The following HOXB9 variants were observed in gnomAD, a reference collection of about 807,000 sequenced individuals.
The protein encoded by HOXB9 is homeobox B9, also known as homeobox protein Hox-B9.
Under a neutral mutation model 21.5 loss-of-function variants are expected in HOXB9, and 10 were observed. The observed-to-expected ratio is 0.47, with a 90% confidence interval of 0.29 to 0.79. The LOEUF (loss-of-function observed/expected upper bound fraction) is 0.79. Among genes scored for constraint, HOXB9 ranks in the 30% least tolerant of loss-of-function variants. The pLI is 0.10. For synonymous variants in HOXB9, 156 were observed against 151.2 expected (o/e 1.03, Z -0.23); for missense variants, 375 against 338.7 (o/e 1.11, Z -0.84).
chr17:48,624,937 C>T (rs1032657171), intron 1 of HOXB9, among the ~76,000 whole-genome samples: 7 of 152,296 alleles, frequency 4.6e-5, no homozygotes, highest in Non-Finnish European at 8.8e-5. Flanking sequence ...CTTCGAGATG[C>T]CCCGATATTC....
Position 48,626,064 on chromosome 17 carries a change from T to C in HOXB9, c.206A>G (p.His69Arg), listed in dbSNP as rs1458014971. 4 of 1,578,272 alleles carry C rather than the reference T, an allele frequency of 2.5e-6. No homozygotes were observed. The highest frequency in any genetic ancestry group is 3.4e-6 in the Non-Finnish European group (4 of 1,169,290). The change falls in exon 1 of 2, where the codon CAC (histidine) becomes CGC (arginine). Residue 69 changes from histidine to arginine, a missense_variant. Transcript: ENST00000311177. ...FGASWAPLSPHASGSLPSVYH... is the reference protein window; with the variant it reads ...FGASWAPLSPRASGSLPSVYH... ...GACGGACGGCAGGCTCCCGGACGCG[T>C]GCGGGCTCAGCGGCGCCCAGGAGGC...
At position 48,626,028 on chromosome 17, in the gene HOXB9, T is replaced by A; in HGVS notation, c.242A>T (p.Tyr81Phe). 1 of 1,577,374 alleles carries A rather than the reference T, an allele frequency of 6.3e-7. No individual in the cohort carries two copies. The highest frequency in any genetic ancestry group is 1.3e-5 in the African/African-American group (1 of 74,828). The change falls in exon 1 of 2, where the codon TAC becomes TTC. Residue 81 changes from tyrosine to phenylalanine, a missense_variant. Tyr to Phe is a conservative substitution (Grantham distance 22, BLOSUM62 3). Transcript: ENST00000311177. ...SGSLPSVYHP[Y>F]IQPQGVPPAE... ...CGGCGGGACGCCCTGGGGCTGGATG[T>A]AAGGGTGGTAGACGGACGGCAGGCT...
Position 48,622,514 on chromosome 17 carries a change from G to A in HOXB9, c.*386C>T, listed in dbSNP as rs2070778745. On this transcript the variant is annotated 3_prime_UTR_variant, in exon 2 of 2. Coordinates refer to ENST00000311177, the MANE Select transcript of HOXB9 (RefSeq NM_024017.5). The stretch of plus-strand genomic sequence containing the variant: ...GATGTCTGCTGAGCTGTGTAGAGTT[G>A]GAGTGTCCCTGGGTGACTTTTGGGT... The A allele has an allele frequency of 5.0e-6, 1 of 201,530 alleles. No homozygotes were observed. The highest frequency in any genetic ancestry group is 9.5e-5 in the South Asian group (1 of 10,474). The allele number at this position is 201,530 out of a possible 1,614,324, so 12.5% of individuals were successfully genotyped here. A position where few individuals can be genotyped will look rare whatever the true frequency, so the allele number is the denominator to read the frequency against.
At position 48,625,828 on chromosome 17, in the gene HOXB9, G is replaced by A; in HGVS notation, c.442C>T (p.Leu148=). The A allele has an allele frequency of 1.2e-6, 2 of 1,610,988 alleles. No individual in the cohort carries two copies. The highest frequency in any genetic ancestry group is 1.7e-6 in the Non-Finnish European group (2 of 1,178,900). Residue 148 remains leucine, a synonymous_variant, in exon 1 of 2, where the codon CTG becomes TTG. Coordinates refer to ENST00000311177, the MANE Select transcript of HOXB9 (RefSeq NM_024017.5). ...CCGTAGCCGGGTCTTTGATTAGACAGCACGGCCTCCCTGCCCGCCGAAGTT... is the reference window on the plus strand; with the variant it reads ...CCGTAGCCGGGTCTTTGATTAGACAACACGGCCTCCCTGCCCGCCGAAGTT... ...LETSAGREAV[L]SNQRPGYGDN... is the part of the protein sequence containing the mutation.
Position 48,621,643 on chromosome 17 carries a change from C to T in HOXB9, c.*1257G>A, listed in dbSNP as rs1201299035. On this transcript the variant is annotated 3_prime_UTR_variant, in exon 2 of 2. Coordinates refer to ENST00000311177, the MANE Select transcript of HOXB9 (RefSeq NM_024017.5). ...CCTTTGGCGCTGGGGCTAGAGCCGCCAAGCCCGGGGCTTCTCTGCGTGGGT... is the reference window on the plus strand; with the variant it reads ...CCTTTGGCGCTGGGGCTAGAGCCGCTAAGCCCGGGGCTTCTCTGCGTGGGT... The T allele has an allele frequency of 6.6e-6, 1 of 152,310 alleles. No individual in the cohort carries two copies. Among genetic ancestry groups the T allele is most frequent in the Non-Finnish European group, 1.5e-5 (1 of 68,078 alleles). The allele number at this position is 152,310 out of a possible 1,614,324, so 9.4% of individuals were successfully genotyped here.
rs1291747283 is a variant in HOXB9, at chr17:48,622,884, G to A, written c.*16C>T. 2 of 1,575,898 alleles carry A rather than the reference G, an allele frequency of 1.3e-6. No homozygotes were observed. Among genetic ancestry groups the A allele is most frequent in the Non-Finnish European group, 1.7e-6 (2 of 1,145,656 alleles). ...ATGGGGAAGAGCTAGGGAGGACTGG[G>A]GGTAATCTTTAATCTTTACTCTTTG... On this transcript the variant is annotated 3_prime_UTR_variant, in exon 2 of 2. Transcript: ENST00000311177.
rs1292821652 is a variant in HOXB9 at position 48,622,867 on chromosome 17, G to C, written c.*33C>G. 1 of 1,494,518 alleles carries C rather than the reference G, an allele frequency of 6.7e-7. No individual in the cohort carries two copies. The highest frequency in any genetic ancestry group is 1.4e-5 in the African/African-American group (1 of 72,590). The allele number at this position is 1,494,518 out of a possible 1,614,324, so 92.6% of individuals were successfully genotyped here. ...ACATAACTAAGAGTGAGATGGGGAAGAGCTAGGGAGGACTGGGGGTAATCT... is the reference window on the plus strand; with the variant it reads ...ACATAACTAAGAGTGAGATGGGGAACAGCTAGGGAGGACTGGGGGTAATCT... On this transcript the variant is annotated 3_prime_UTR_variant, in exon 2 of 2. Transcript: ENST00000311177.
intron 1 of HOXB9, among the ~76,000 whole-genome samples, chr17:48,624,146 C>T (rs1299133455): frequency 6.6e-6 from 1 of 152,082 alleles, no homozygotes; most frequent in African/African-American, 2.4e-5. Context: ...AAAAAAGTTG[C>T]CAAATAAAGC....
Position 48,625,905 on chromosome 17 carries a change from A to T in HOXB9, c.365T>A (p.Leu122Gln), listed in dbSNP as rs1188521324. The change falls in exon 1 of 2, where the codon CTG becomes CAG. Residue 122 changes from leucine (L) to glutamine (Q), a missense_variant. By Grantham distance (113) the Leu-to-Gln change is moderately radical. Transcript: ENST00000311177. Reference protein sequence around the residue: ...GQAAVKAEPLLGAPGELLKQG... With the variant: ...GQAAVKAEPLQGAPGELLKQG... ...TTTGAGCAGCTCCCCAGGCGCGCCCAGCAGCGGCTCCGCCTTCACCGCCGC... is the reference window on the plus strand; with the variant it reads ...TTTGAGCAGCTCCCCAGGCGCGCCCTGCAGCGGCTCCGCCTTCACCGCCGC... The T allele has an allele frequency of 1.3e-6, 2 of 1,592,374 alleles. No homozygotes were observed. Among genetic ancestry groups the T allele is most frequent in the African/African-American group, 2.8e-5 (2 of 72,506 alleles).
In HOXB9 at chr17:48,622,891, C is replaced by T; in HGVS notation, c.*9G>A. ...AGAGCTAGGGAGGACTGGGGGTAAT[C>T]TTTAATCTTTACTCTTTGCCCTGCT... On this transcript the variant is annotated 3_prime_UTR_variant, in exon 2 of 2. Coordinates refer to ENST00000311177, the MANE Select transcript of HOXB9 (RefSeq NM_024017.5). 6.2e-7 allele frequency: 1 copy of T among 1,603,808 alleles called. No individual in the cohort carries two copies.
Position 48,626,264 on chromosome 17 carries a change from G to T in HOXB9, c.6C>A (p.Ser2=), listed in dbSNP as rs368783836. The T allele has an allele frequency of 1.9e-6, 3 of 1,591,258 alleles. No individual in the cohort carries two copies. The highest frequency in any genetic ancestry group is 1.7e-6 in the Non-Finnish European group (2 of 1,174,446). The stretch of plus-strand genomic sequence containing the variant: ...AATAGCTGCTAAGCGTCCCAGAAAT[G>T]GACATTCTCAGACATTATCCGGGCG... The part of the protein sequence containing the change: M[S]ISGTLSSYYV... The change falls in exon 1 of 2, where the codon TCC becomes TCA. Residue 2 remains serine (S), a synonymous_variant. Coordinates refer to ENST00000311177, the MANE Select transcript of HOXB9 (RefSeq NM_024017.5).
At chr17:48,623,662 T>C (rs1376342297) in intron 1 of HOXB9, among the ~76,000 whole-genome samples, 3 of 152,116 alleles carry the variant, frequency 2.0e-5, no homozygotes, top group Non-Finnish European at 4.4e-5. Flanking sequence ...ACAAACAAGC[T>C]TGTGTCTCTA....
In HOXB9 at chr17:48,626,182, A is replaced by G. The variant is rs1167726430; in HGVS notation, c.88T>C (p.Ser30Pro). The G allele has an allele frequency of 6.3e-7, 1 of 1,599,508 alleles. No individual in the cohort carries two copies. Among genetic ancestry groups the G allele is most frequent in the Admixed American group, 1.7e-5 (1 of 59,944 alleles). Residue 30 changes from serine to proline, a missense_variant, in exon 1 of 2, where the codon TCT becomes CCT. Ser to Pro is a moderately conservative substitution (Grantham distance 74). Coordinates refer to ENST00000311177, the MANE Select transcript of HOXB9 (RefSeq NM_024017.5). ...TGCCGCGAGCTCGCGTACTGGCCAG[A>G]AGGAAACTTGGCTGGAGGCGCGTCC... is the stretch of plus-strand genomic sequence containing the variant. The part of the protein sequence containing the change: ...SEDAPPAKFP[S>P]GQYASSRQPG...
Position 48,626,147 on chromosome 17 carries a change from G to T in HOXB9, c.123C>A (p.His41Gln). 1 of 1,595,174 alleles carries T rather than the reference G, an allele frequency of 6.3e-7. No individual in the cohort carries two copies. The highest frequency in any genetic ancestry group is 1.1e-5 in the South Asian group (1 of 89,808). ...ACGAGGGGAACTCCAGGTGCTCCGC[G>T]TGGCCCGGCTGCCGCGAGCTCGCGT... ...GQYASSRQPG[H>Q]AEHLEFPSCS... Residue 41 changes from histidine (H) to glutamine (Q), a missense_variant, in exon 1 of 2, where the codon CAC becomes CAA. By Grantham distance (24) the His-to-Gln change is conservative. Transcript: ENST00000311177.
chr17:48,625,010 G>A (rs1429565062), intron 1 of HOXB9, among the ~76,000 whole-genome samples: 1 of 152,204 alleles, frequency 6.6e-6, no homozygotes, highest in Non-Finnish European at 1.5e-5. Flanking sequence ...GAGCCCCGCA[G>A]AGAGCAGCGG....
Position 48,625,778 on chromosome 17 carries a change from G to T in HOXB9, c.492C>A (p.Ser164Arg). The T allele has an allele frequency of 1.3e-6, 2 of 1,598,716 alleles. No individual in the cohort carries two copies. The highest frequency in any genetic ancestry group is 8.5e-7 in the Non-Finnish European group (1 of 1,173,458). ...TTTGATCCGGCCTCTCTTTGTCCTC[G>T]CTTCCTTCGCAAATTTTATTGTCCC... ...GYGDNKICEG[S>R]EDKERPDQTN... The change falls in exon 1 of 2, where the codon AGC (serine) becomes AGA (arginine). Residue 164 changes from serine (S) to arginine (R), a missense_variant. Physicochemically the swap from Ser to Arg is moderately radical, Grantham distance 110. Coordinates refer to ENST00000311177, the MANE Select transcript of HOXB9 (RefSeq NM_024017.5).
At chr17:48,624,997 C>T (rs1353075512) in intron 1 of HOXB9, among the ~76,000 whole-genome samples, 1 of 152,184 alleles carries the variant, frequency 6.6e-6, no homozygotes, top group Non-Finnish European at 1.5e-5. Context: ...GGCTGGGGCT[C>T]GGGAGCCCCG....
In HOXB9 at chr17:48,625,842, C is replaced by A. The variant is rs896889654; in HGVS notation, c.428G>T (p.Gly143Val). ...TPEYSLETSAGREAVLSNQRP... is the reference protein window; with the variant it reads ...TPEYSLETSAVREAVLSNQRP... ...TTGATTAGACAGCACGGCCTCCCTG[C>A]CCGCCGAAGTTTCCAAACTGTACTC... The change falls in exon 1 of 2, where the codon GGC becomes GTC. Residue 143 changes from glycine (G) to valine (V), a missense_variant. Transcript: ENST00000311177. The A allele has an allele frequency of 6.2e-6, 10 of 1,611,776 alleles. No individual in the cohort carries two copies. The highest frequency in any genetic ancestry group is 5.0e-5 in the Admixed American group (3 of 59,844).
At position 48,626,140 on chromosome 17, in the gene HOXB9, G is replaced by T; in HGVS notation, c.130C>A (p.His44Asn). The change falls in exon 1 of 2, where the codon CAC becomes AAC. Residue 44 changes from histidine to asparagine, a missense_variant. His to Asn is a moderately conservative substitution (Grantham distance 68). Coordinates refer to ENST00000311177, the MANE Select transcript of HOXB9 (RefSeq NM_024017.5). ...AAGCTGCACGAGGGGAACTCCAGGT[G>T]CTCCGCGTGGCCCGGCTGCCGCGAG... is the stretch of plus-strand genomic sequence containing the variant. ...ASSRQPGHAE[H>N]LEFPSCSFQP... 2 of 1,592,884 alleles carry T rather than the reference G, an allele frequency of 1.3e-6. No homozygotes were observed. Among genetic ancestry groups the T allele is most frequent in the Non-Finnish European group, 1.7e-6 (2 of 1,176,430 alleles).
Sources: gnomAD v4.1 joint callset for allele counts (sites outside exome capture counted in the v4.1 genomes callset) on GRCh38, gnomAD v4.1.1 for gene constraint, MANE v1.5 for transcripts, NCBI Gene and HGNC (gene_info 2026-07-23, HGNC 2026-07-21) for gene names.